NLGN1: variants seen among roughly 807,000 people sequenced by gnomAD.
The protein encoded by NLGN1 is neuroligin-1.
In NLGN1, 12 loss-of-function variants were observed where a neutral mutation model predicts 65.5. The ratio of observed to expected loss-of-function variants is 0.18; its 90% CI spans 0.12 to 0.30. The LOEUF is 0.30. Ranked by LOEUF, NLGN1 falls within the 10% of genes least tolerant of loss-of-function variation. The pLI is 1.00. For missense variants in NLGN1, 750 were observed against 1,007.1 expected (o/e 0.74, Z 3.46); for synonymous variants, 350 against 359.5 (o/e 0.97, Z 0.30).
chr3:174,093,747 T>C (rs1744953553), intron 4 of NLGN1, among the ~76,000 whole-genome samples: 1 of 152,228 alleles, frequency 6.6e-6, no homozygotes, highest in Admixed American at 6.5e-5. Context: ...ACATTTAATA[T>C]TCAGGCAATC....
chr3:173,820,464 T>C (rs2150529329), intron 4 of NLGN1, among the ~76,000 whole-genome samples: 1 of 152,290 alleles, frequency 6.6e-6, no homozygotes, highest in Non-Finnish European at 1.5e-5. Flanking sequence ...TGAATTAAAA[T>C]GCAGTAATCC....
intron 4 of NLGN1, among the ~76,000 whole-genome samples, chr3:173,968,009 A>G (rs773915236): frequency 3.3e-5 from 5 of 152,180 alleles, no homozygotes; most frequent in Admixed American, 3.3e-4. Flanking sequence ...CCAGTAACTT[A>G]CAATTCAAAT....
intron 4 of NLGN1, among the ~76,000 whole-genome samples, chr3:174,165,974 T>C (rs1727417951): frequency 6.6e-6 from 1 of 152,092 alleles, no homozygotes; most frequent in South Asian, 2.1e-4. Context: ...TTTTGTAGTT[T>C]ATATGTGTAG....
At chr3:173,607,857 T>G (rs1008849856) in intron 3 of NLGN1, among the ~76,000 whole-genome samples, 13 of 151,678 alleles carry the variant, frequency 8.6e-5, no homozygotes, top group African/African-American at 2.9e-4. Flanking sequence ...TTGCCTTTTA[T>G]CTAGATGCCA....
At chr3:174,237,138 T>C (rs1741860176) in intron 4 of NLGN1, among the ~76,000 whole-genome samples, 1 of 152,110 alleles carries the variant, frequency 6.6e-6, no homozygotes, top group African/African-American at 2.4e-5. Context: ...AAATAAAGTC[T>C]TTTTTGCTTT....
chr3:173,733,582 C>A (rs1773216756), intron 3 of NLGN1, among the ~76,000 whole-genome samples: 1 of 152,084 alleles, frequency 6.6e-6, no homozygotes, highest in Admixed American at 6.6e-5. Flanking sequence ...TGCAAGTGTA[C>A]CACTTTTTCT....
At chr3:174,250,268 T>G (rs1744536025) in intron 4 of NLGN1, among the ~76,000 whole-genome samples, 2 of 152,208 alleles carry the variant, frequency 1.3e-5, no homozygotes, top group Non-Finnish European at 2.9e-5. Context: ...TCTCAATAAA[T>G]TCTGGTGATA....
At chr3:173,788,748 G>A (rs544088037) in intron 3 of NLGN1, among the ~76,000 whole-genome samples, 35 of 146,946 alleles carry the variant, frequency 2.4e-4, no homozygotes, top group East Asian at 8.1e-4. Context: ...TTGAGCCCAG[G>A]AGTTGGAGGC....
intron 2 of NLGN1, among the ~76,000 whole-genome samples, chr3:173,593,064 A>G (rs1169258005): frequency 2.0e-5 from 3 of 152,244 alleles, no homozygotes; most frequent in Non-Finnish European, 4.4e-5. Context: ...TGGTTTCCAG[A>G]TTAATTCTTC....
chr3:173,536,747 A>T (rs1033880810), intron 2 of NLGN1, among the ~76,000 whole-genome samples: 2 of 152,112 alleles, frequency 1.3e-5, no homozygotes, highest in Admixed American at 1.3e-4. Flanking sequence ...AGTAGGGGAT[A>T]TGTGTGTGCA....
At chr3:174,186,708 T>C (rs1418150563) in intron 4 of NLGN1, among the ~76,000 whole-genome samples, 1 of 152,022 alleles carries the variant, frequency 6.6e-6, no homozygotes, top group Non-Finnish European at 1.5e-5. Context: ...AGGTTTATGA[T>C]TGCTGATGCT....
intron 4 of NLGN1, among the ~76,000 whole-genome samples, chr3:174,071,363 A>G (rs1246560030): frequency 6.6e-6 from 1 of 152,140 alleles, no homozygotes; most frequent in Non-Finnish European, 1.5e-5. Context: ...AACCAGAGGC[A>G]GGAGTAGGCT....
intron 4 of NLGN1, among the ~76,000 whole-genome samples, chr3:173,960,109 T>C (rs1328151864): frequency 6.6e-6 from 1 of 152,126 alleles, no homozygotes; most frequent in African/African-American, 2.4e-5. Context: ...TACTTTTTCC[T>C]TGGCATTACA....
Position 173,981,130 on chromosome 3 carries a change from C to T in NLGN1, c.646+173298C>T, listed in dbSNP as rs60805440. Reference sequence around the variant, plus strand: ...GCCCAACTCTGCCTCTCTAATTGTCCTCCTGGTGACATAATCCTCTGGGCT... The same window carrying T: ...GCCCAACTCTGCCTCTCTAATTGTCTTCCTGGTGACATAATCCTCTGGGCT... On this transcript the variant is annotated intron_variant, in intron 4 of 6. Transcript: ENST00000457714. 4.4e-3 allele frequency among the ~76,000 whole-genome samples: 671 copies of T among 152,212 alleles called. 5 individuals carry two copies. Among genetic ancestry groups the T allele is most frequent in the African/African-American group, 0.015 (628 of 41,550 alleles).
chr3:173,729,223 C>T (rs1025770499), intron 3 of NLGN1, among the ~76,000 whole-genome samples: 4 of 152,028 alleles, frequency 2.6e-5, no homozygotes. Context: ...CACTGCTGAG[C>T]AATTCCCAGA....
At chr3:174,157,628 C>T (rs901623123) in intron 4 of NLGN1, among the ~76,000 whole-genome samples, 15 of 151,676 alleles carry the variant, frequency 9.9e-5, no homozygotes, top group South Asian at 2.1e-4. Flanking sequence ...AGAATTTGGA[C>T]GACATACTTG....
intron 2 of NLGN1, among the ~76,000 whole-genome samples, chr3:173,499,741 T>A (rs562977050): frequency 3.3e-5 from 5 of 152,020 alleles, no homozygotes; most frequent in African/African-American, 9.7e-5. Context: ...TGAGCAGTGG[T>A]TTGTAGTTCT....
chr3:173,474,430 C>A (rs534103390), intron 2 of NLGN1, among the ~76,000 whole-genome samples: 2 of 152,246 alleles, frequency 1.3e-5, no homozygotes, highest in East Asian at 3.9e-4. Flanking sequence ...TTAAGAATAT[C>A]TATATCTATA....
At chr3:173,771,773 A>C (rs1228153823) in intron 3 of NLGN1, among the ~76,000 whole-genome samples, 1 of 151,966 alleles carries the variant, frequency 6.6e-6, no homozygotes, top group African/African-American at 2.4e-5. Flanking sequence ...TTTTATATAT[A>C]TCAAACTTAT....
Sources: gnomAD v4.1 joint callset for allele counts (sites outside exome capture counted in the v4.1 genomes callset) on GRCh38, gnomAD v4.1.1 for gene constraint, MANE v1.5 for transcripts, NCBI Gene and HGNC (gene_info 2026-07-23, HGNC 2026-07-21) for gene names.